The following CNTNAP2 variants were observed in gnomAD, a reference collection of about 807,000 sequenced individuals.
The protein encoded by CNTNAP2 is contactin associated protein 2, also known as contactin-associated protein-like 2.
In CNTNAP2, 98 loss-of-function variants were observed where a neutral mutation model predicts 155.2. The ratio of observed to expected loss-of-function variants is 0.63; its 90% CI spans 0.54 to 0.75. CNTNAP2 has a LOEUF of 0.75. Among genes scored for constraint, CNTNAP2 ranks in the 30% least tolerant of loss-of-function variants. The pLI, the probability that CNTNAP2 is intolerant of heterozygous loss-of-function variation, is 0.00. For synonymous variants in CNTNAP2, 651 were observed against 631.2 expected (o/e 1.03, Z -0.47); for missense variants, 1,727 against 1,688.1 (o/e 1.02, Z -0.40).
intron 1 of CNTNAP2, among the ~76,000 whole-genome samples, chr7:146,505,918 AG>A (rs1171572634): frequency 2.0e-5 from 3 of 152,180 alleles, no homozygotes; most frequent in Non-Finnish European, 4.4e-5. Context: ...CTTGAACTCT[AG>A]CCCCACAAAG....
intron 10 of CNTNAP2, among the ~76,000 whole-genome samples, chr7:147,458,928 A>G (rs1209823957): frequency 2.6e-5 from 4 of 152,074 alleles, no homozygotes; most frequent in African/African-American, 9.7e-5. Flanking sequence ...CATGCATGAA[A>G]TCAAGAGAGA....
intron 12 of CNTNAP2, among the ~76,000 whole-genome samples, chr7:147,609,325 A>T (rs1352974916): frequency 2.0e-5 from 3 of 152,042 alleles, no homozygotes; most frequent in Non-Finnish European, 4.4e-5. Context: ...AGGTCAGGAG[A>T]TTGAGAGCAT....
At chr7:147,429,464 T>C (rs1443642894) in intron 10 of CNTNAP2, among the ~76,000 whole-genome samples, 1 of 151,926 alleles carries the variant, frequency 6.6e-6, no homozygotes, top group African/African-American at 2.4e-5. Flanking sequence ...GAGTTCCTTG[T>C]AGGTTCTGTC....
chr7:147,096,841 T>C (rs904439900), intron 4 of CNTNAP2, among the ~76,000 whole-genome samples: 1 of 152,198 alleles, frequency 6.6e-6, no homozygotes, highest in Non-Finnish European at 1.5e-5. Context: ...AATGCCCAAA[T>C]CACTGAGGTG....
rs530524774 is a variant in CNTNAP2, at chr7:147,425,436, A to AT, written c.1670+29664dup. The stretch of plus-strand genomic sequence containing the variant: ...TGTTACAGCTGGTTTATATGTAATT[A>AT]TTTTTTTTAAATCCTGTAAGAAAAC... On this transcript the variant is annotated intron_variant, in intron 10 of 23. Coordinates refer to ENST00000361727, the MANE Select transcript of CNTNAP2 (RefSeq NM_014141.6). 3.8e-4 allele frequency among the ~76,000 whole-genome samples: 58 copies of AT among 151,758 alleles called. 1 individual carries two copies. Among genetic ancestry groups the AT allele is most frequent in the South Asian group, 8.3e-4 (4 of 4,800 alleles).
chr7:147,730,836 G>A (rs937430003), intron 13 of CNTNAP2, among the ~76,000 whole-genome samples: 1 of 152,068 alleles, frequency 6.6e-6, no homozygotes, highest in Non-Finnish European at 1.5e-5. Flanking sequence ...AGTTCTTAAG[G>A]ACATTGAAAG....
intron 1 of CNTNAP2, among the ~76,000 whole-genome samples, chr7:146,474,089 G>A (rs1192217817): frequency 1.3e-5 from 2 of 151,918 alleles, no homozygotes; most frequent in Non-Finnish European, 2.9e-5. Context: ...TCCATGATTG[G>A]GATAAAGATT....
At position 147,355,116 on chromosome 7, in the gene CNTNAP2, A is replaced by G. The variant is rs1644505346; in HGVS notation, c.1499-40493A>G. 3.9e-5 allele frequency among the ~76,000 whole-genome samples: 6 copies of G among 151,900 alleles called. 1 individual carries two copies. The highest frequency in any genetic ancestry group is 3.9e-4 in the Admixed American group (6 of 15,224). On this transcript the variant is annotated intron_variant, in intron 9 of 23. Transcript: ENST00000361727. ...TTGACATCTGGCTTGAGGAGCTTTAAGTGACCAGATCATGGCCATTGTTTC... is the reference window on the plus strand; with the variant it reads ...TTGACATCTGGCTTGAGGAGCTTTAGGTGACCAGATCATGGCCATTGTTTC...
intron 20 of CNTNAP2, among the ~76,000 whole-genome samples, chr7:148,257,172 C>A (rs1191909037): frequency 6.6e-6 from 1 of 152,084 alleles, no homozygotes; most frequent in Non-Finnish European, 1.5e-5. Context: ...CTCCATTCTA[C>A]GAAGATGCCC....
chr7:146,576,272 C>T (rs545442990), intron 1 of CNTNAP2, among the ~76,000 whole-genome samples: 5 of 152,280 alleles, frequency 3.3e-5, no homozygotes, highest in Admixed American at 6.5e-5. Context: ...AGACTTTAAA[C>T]GTTGGAAAGT....
intron 1 of CNTNAP2, among the ~76,000 whole-genome samples, chr7:146,135,496 AC>A (rs1797784544): frequency 6.6e-6 from 1 of 152,104 alleles, no homozygotes; most frequent in Non-Finnish European, 1.5e-5. Context: ...ATGGAGAAGC[AC>A]CTCTTATAAA....
intron 1 of CNTNAP2, among the ~76,000 whole-genome samples, chr7:146,424,775 C>A (rs890835899): frequency 6.6e-6 from 1 of 152,070 alleles, no homozygotes; most frequent in African/African-American, 2.4e-5. Context: ...GCATAGATTT[C>A]ATCTAAAAAC....
At chr7:147,714,508 G>A (rs2117019981) in intron 13 of CNTNAP2, among the ~76,000 whole-genome samples, 1 of 151,982 alleles carries the variant, frequency 6.6e-6, no homozygotes, top group South Asian at 2.1e-4. Flanking sequence ...GAAGACTGAG[G>A]GGTTAGAGGG....
chr7:148,150,591 G>A (rs1805279854), intron 17 of CNTNAP2, among the ~76,000 whole-genome samples: 1 of 152,024 alleles, frequency 6.6e-6, no homozygotes, highest in Admixed American at 6.6e-5. Flanking sequence ...TAGTTCAACA[G>A]CTATGAATTT....
At chr7:146,622,396 G>A (rs1010704108) in intron 1 of CNTNAP2, among the ~76,000 whole-genome samples, 2 of 151,812 alleles carry the variant, frequency 1.3e-5, no homozygotes, top group Non-Finnish European at 2.9e-5. Context: ...ACCAGTATCT[G>A]GATGCTATGT....
At chr7:146,641,143 T>G (rs919527564) in intron 1 of CNTNAP2, among the ~76,000 whole-genome samples, 3 of 151,914 alleles carry the variant, frequency 2.0e-5, no homozygotes, top group Non-Finnish European at 2.9e-5. Flanking sequence ...TGGCTAACAC[T>G]GTGAAACCCC....
intron 1 of CNTNAP2, among the ~76,000 whole-genome samples, chr7:146,659,035 C>T (rs1159489307): frequency 1.3e-5 from 2 of 152,182 alleles, no homozygotes; most frequent in African/African-American, 4.8e-5. Flanking sequence ...TGCTACTGAC[C>T]GTGGGTACTT....
intron 8 of CNTNAP2, among the ~76,000 whole-genome samples, chr7:147,274,587 G>A (rs1243587458): frequency 6.6e-6 from 1 of 152,028 alleles, no homozygotes; most frequent in Admixed American, 6.6e-5. Flanking sequence ...TTTGTCAGAT[G>A]CATAATTTGC....
intron 8 of CNTNAP2, among the ~76,000 whole-genome samples, chr7:147,282,047 G>C (rs1195079772): frequency 1.3e-5 from 2 of 151,830 alleles, no homozygotes; most frequent in Non-Finnish European, 2.9e-5. Flanking sequence ...TTCAGACCAA[G>C]AGTGACTTAA....
Sources: allele counts gnomAD v4.1 joint callset (sites outside exome capture counted in the v4.1 genomes callset), GRCh38; gene constraint gnomAD v4.1.1; transcripts MANE v1.5; gene names NCBI Gene and HGNC (gene_info 2026-07-23, HGNC 2026-07-21).